Variants in LMX1A observed in about 807,000 individuals in gnomAD.
LMX1A encodes LIM homeobox transcription factor 1 alpha.
In LMX1A, 15 loss-of-function variants were observed where a neutral mutation model predicts 49.1. The ratio of observed to expected loss-of-function variants is 0.31; its 90% CI spans 0.20 to 0.47. The LOEUF (loss-of-function observed/expected upper bound fraction) is 0.47, where lower values mean the gene tolerates loss of function less well. LMX1A is among the 20% of genes least tolerant of loss of function. LMX1A has a pLI of 1.00. For missense variants in LMX1A, 372 were observed against 475.8 expected, an observed-to-expected ratio of 0.78 and a Z score of 2.03; for synonymous variants, 167 against 185.7, an observed-to-expected ratio of 0.90 and a Z score of 0.82.
intron 3 of LMX1A, among the ~76,000 whole-genome samples, chr1:165,315,932 G>A (rs1409412429): frequency 6.6e-5 from 10 of 152,180 alleles, no homozygotes; most frequent in African/African-American, 7.2e-5. Flanking sequence ...TCTTAAAGAC[G>A]CAAAGGGCTT....
intron 3 of LMX1A, among the ~76,000 whole-genome samples, chr1:165,289,726 T>C (rs1313170066): frequency 6.6e-6 from 1 of 152,204 alleles, no homozygotes; most frequent in Admixed American, 6.5e-5. Flanking sequence ...TAGCTAATTT[T>C]CCCCAGGGCT....
chr1:165,330,618 A>G (rs1655718877), intron 3 of LMX1A, among the ~76,000 whole-genome samples: 1 of 152,238 alleles, frequency 6.6e-6, no homozygotes, highest in African/African-American at 2.4e-5. Flanking sequence ...ACGGACCAAA[A>G]GTAGGCAGAT....
At chr1:165,242,751 TC>T (rs1361101296) in intron 4 of LMX1A, among the ~76,000 whole-genome samples, 4 of 151,286 alleles carry the variant, frequency 2.6e-5, no homozygotes, top group African/African-American at 9.7e-5. Context: ...TAATTTTTTC[TC>T]AGGTGACTTC....
chr1:165,221,078 G>A (rs934820009), intron 4 of LMX1A, among the ~76,000 whole-genome samples: 1 of 152,130 alleles, frequency 6.6e-6, no homozygotes, highest in African/African-American at 2.4e-5. Context: ...GGCCCAAGAA[G>A]AAAGTAAGGT....
chr1:165,284,500 CAGGCAGGCTG>C (rs1557873231), intron 3 of LMX1A, among the ~76,000 whole-genome samples: 1 of 152,184 alleles, frequency 6.6e-6, no homozygotes, highest in African/African-American at 2.4e-5. Context: ...AGTGAATGAG[CAGGCAGGCTG>C]TGGAGGTCAG....
At chr1:165,313,017 A>T (rs113140839) in intron 3 of LMX1A, among the ~76,000 whole-genome samples, 54 of 152,306 alleles carry the variant, frequency 3.5e-4, no homozygotes, top group African/African-American at 1.2e-3. Flanking sequence ...AGAGGGAAAA[A>T]AAAGTCCCCT....
intron 3 of LMX1A, among the ~76,000 whole-genome samples, chr1:165,296,627 C>T (rs796841437): frequency 1.3e-5 from 2 of 152,328 alleles, no homozygotes; most frequent in African/African-American, 2.4e-5. Flanking sequence ...GTGGTATAAA[C>T]GGCAGATGTC....
At chr1:165,356,094 T>C (rs1183889783) in intron 1 of LMX1A, 1 of 152,906 alleles carries the variant, frequency 6.5e-6, no homozygotes, top group African/African-American at 2.4e-5. Flanking sequence ...GAAGGGGCAC[T>C]GTAAGGGACC....
chr1:165,277,752 T>G (rs996304285), intron 3 of LMX1A, among the ~76,000 whole-genome samples: 1 of 152,168 alleles, frequency 6.6e-6, no homozygotes, highest in Non-Finnish European at 1.5e-5. Context: ...AAATGCCTGC[T>G]GCTAAAATAG....
intron 3 of LMX1A, among the ~76,000 whole-genome samples, chr1:165,329,381 G>C (rs532518589): frequency 6.6e-6 from 1 of 151,830 alleles, no homozygotes; most frequent in Admixed American, 6.6e-5. Flanking sequence ...CTCCCACACA[G>C]AGGAGATGTG....
chr1:165,213,818 A>T lies in LMX1A; in HGVS notation c.497-5T>A, dbSNP rs1236980828. ...TTTCTTCATCATCACTTTTACCTGA[A>T]AGAAGCAAAAGACAATGTTGTGAGT... On this transcript the variant is annotated splice_region_variant and splice_polypyrimidine_tract_variant and intron_variant, in intron 4 of 8. Transcript: ENST00000342310. 2 of 1,613,420 alleles carry T rather than the reference A, an allele frequency of 1.2e-6. No homozygotes were observed. The highest frequency in any genetic ancestry group is 1.3e-5 in the African/African-American group (1 of 74,814).
Position 165,210,694 on chromosome 1 carries a change from G to T in LMX1A, c.747+5C>A, listed in dbSNP as rs187240783. Reference sequence around the variant, plus strand: ...GGGGACAGATAAAAGTAAGAAGCAGGTTACCTTCGCTCTCTGGTTTTGGAA... The same window carrying T: ...GGGGACAGATAAAAGTAAGAAGCAGTTTACCTTCGCTCTCTGGTTTTGGAA... On this transcript the variant is annotated splice_donor_5th_base_variant and intron_variant, in intron 6 of 8. Transcript: ENST00000342310. 5.6e-6 allele frequency: 9 copies of T among 1,609,048 alleles called. No individual in the cohort carries two copies. In the Admixed American group the frequency reaches 1.5e-4, roughly 27 times the overall value.
intron 4 of LMX1A, among the ~76,000 whole-genome samples, chr1:165,241,864 G>T (rs1652667604): frequency 6.6e-6 from 1 of 152,194 alleles, no homozygotes; most frequent in Non-Finnish European, 1.5e-5. Flanking sequence ...AATACGAGCA[G>T]TGGAGAGCAT....
chr1:165,267,759 G>A (rs114715227), intron 3 of LMX1A, among the ~76,000 whole-genome samples: 1,674 of 152,264 alleles, frequency 0.011, 36 homozygotes, highest in African/African-American at 0.038. Context: ...GAAACCCACC[G>A]AAGGTTACTG....
chr1:165,325,930 C>G (rs1418900801), intron 3 of LMX1A, among the ~76,000 whole-genome samples: 1 of 152,158 alleles, frequency 6.6e-6, no homozygotes, highest in African/African-American at 2.4e-5. Context: ...TAAGACCCTC[C>G]CCCGGGCCTG....
intron 3 of LMX1A, among the ~76,000 whole-genome samples, chr1:165,273,564 C>T (rs183150058): frequency 3.3e-5 from 5 of 152,276 alleles, no homozygotes; most frequent in Admixed American, 6.5e-5. Context: ...AATATTATTT[C>T]GTCTCCTTAG....
chr1:165,247,147 G>A (rs1652888398), intron 4 of LMX1A, among the ~76,000 whole-genome samples: 1 of 128,844 alleles, frequency 7.8e-6, no homozygotes, highest in African/African-American at 2.9e-5. Flanking sequence ...AGTAAAATCT[G>A]TAAACCGTTA....
rs537704859 is a variant in LMX1A at position 165,228,418 on chromosome 1, C to T, written c.497-14605G>A. ...CCTGGTCCGTTTGCATCTCAACAAC[C>T]TCATCAGCCATCTAATCACTTCTCT... On this transcript the variant is annotated intron_variant, in intron 4 of 8. Coordinates refer to ENST00000342310, the MANE Select transcript of LMX1A (RefSeq NM_177398.4). 3.2e-4 allele frequency among the ~76,000 whole-genome samples: 48 copies of T among 152,292 alleles called. 1 individual carries two copies. In the South Asian group the frequency reaches 7.5e-3, roughly 24 times the overall value.
intron 3 of LMX1A, among the ~76,000 whole-genome samples, chr1:165,259,677 C>T (rs1004662631): frequency 7.9e-5 from 12 of 152,142 alleles, no homozygotes; most frequent in African/African-American, 2.9e-4. Flanking sequence ...TAATCTACCT[C>T]AGACCACAAA....
Sources: allele counts gnomAD v4.1 joint callset (sites outside exome capture counted in the v4.1 genomes callset), GRCh38; gene constraint gnomAD v4.1.1; transcripts MANE v1.5; gene names NCBI Gene and HGNC (gene_info 2026-07-23, HGNC 2026-07-21).